CDK14: variants seen among roughly 807,000 people sequenced by gnomAD.
The protein encoded by CDK14 is cyclin dependent kinase 14.
Under a neutral mutation model 60.7 loss-of-function variants are expected in CDK14, and 34 were observed. The ratio of observed to expected loss-of-function variants is 0.56; its 90% CI spans 0.43 to 0.75. The LOEUF (loss-of-function observed/expected upper bound fraction) is 0.75, where lower values mean the gene tolerates loss of function less well. Ranked by LOEUF, CDK14 falls within the 30% of genes least tolerant of loss-of-function variation. The pLI, the probability that CDK14 is intolerant of heterozygous loss-of-function variation, is 0.00. For missense variants in CDK14, 482 were observed against 564.1 expected (o/e 0.85, Z 1.47); for synonymous variants, 197 against 203.7 (o/e 0.97, Z 0.28).
chr7:90,668,143 C>T (rs2116523122), intron 2 of CDK14, among the ~76,000 whole-genome samples: 1 of 152,304 alleles, frequency 6.6e-6, no homozygotes, highest in East Asian at 1.9e-4. Context: ...CTACCAGCAA[C>T]TTACAAGGTT....
At chr7:90,881,335 AGAAAG>A (rs1357821041) in intron 6 of CDK14, among the ~76,000 whole-genome samples, 1 of 152,218 alleles carries the variant, frequency 6.6e-6, no homozygotes, top group African/African-American at 2.4e-5. Context: ...GGCAGAAAGA[AGAAAG>A]GATATCAGAG....
chr7:91,036,238 C>T (rs1053689644), intron 10 of CDK14, among the ~76,000 whole-genome samples: 4 of 152,164 alleles, frequency 2.6e-5, no homozygotes, highest in Non-Finnish European at 4.4e-5. Flanking sequence ...TGGCAACACT[C>T]AGTTTCTTGC....
intron 6 of CDK14, among the ~76,000 whole-genome samples, chr7:90,882,605 T>C (rs1045359039): frequency 6.6e-6 from 1 of 152,196 alleles, no homozygotes; most frequent in Admixed American, 6.5e-5. Context: ...CTAGTAGATA[T>C]CTACAGAACT....
intron 5 of CDK14, among the ~76,000 whole-genome samples, chr7:90,832,493 T>G (rs1789945880): frequency 1.3e-5 from 2 of 151,284 alleles, no homozygotes; most frequent in South Asian, 2.1e-4. Flanking sequence ...GACAATTTAG[T>G]TTTTTTTTAA....
chr7:91,201,580 G>T (rs1802728090), intron 14 of CDK14, among the ~76,000 whole-genome samples: 1 of 151,938 alleles, frequency 6.6e-6, no homozygotes, highest in Admixed American at 6.6e-5. Flanking sequence ...ACCTTAGAGT[G>T]CATAAATAGG....
chr7:90,960,635 T>A (rs1215633417), intron 9 of CDK14, among the ~76,000 whole-genome samples: 2 of 152,190 alleles, frequency 1.3e-5, no homozygotes, highest in Non-Finnish European at 2.9e-5. Context: ...TTATTAAGTA[T>A]TGAAAGGCCA....
At chr7:90,775,179 C>T (rs1347684112) in intron 4 of CDK14, among the ~76,000 whole-genome samples, 1 of 152,160 alleles carries the variant, frequency 6.6e-6, no homozygotes, top group Non-Finnish European at 1.5e-5. Context: ...GACCAAGAGG[C>T]TTGAAATGCT....
intron 10 of CDK14, among the ~76,000 whole-genome samples, chr7:91,022,247 C>G (rs1413253342): frequency 6.6e-6 from 1 of 152,178 alleles, no homozygotes; most frequent in East Asian, 1.9e-4. Context: ...TTGTATAATT[C>G]ATACTCTGTG....
intron 11 of CDK14, among the ~76,000 whole-genome samples, chr7:91,060,094 G>C (rs1453195027): frequency 6.6e-6 from 1 of 152,138 alleles, no homozygotes; most frequent in Non-Finnish European, 1.5e-5. Context: ...GCTCCTTATT[G>C]GGTGCATATA....
intron 2 of CDK14, among the ~76,000 whole-genome samples, chr7:90,649,357 C>T (rs867379116): frequency 5.3e-4 from 24 of 44,888 alleles, no homozygotes; most frequent in African/African-American, 1.1e-3. Flanking sequence ...TCCTTCCTTC[C>T]TTCCTTCCTT....
chr7:90,813,151 C>T (rs191514353), intron 5 of CDK14, among the ~76,000 whole-genome samples: 32 of 152,246 alleles, frequency 2.1e-4, no homozygotes, highest in African/African-American at 7.5e-4. Context: ...GTTGTATATA[C>T]CAAGCGTATT....
At chr7:90,815,547 C>A (rs1337598059) in intron 5 of CDK14, among the ~76,000 whole-genome samples, 1 of 152,150 alleles carries the variant, frequency 6.6e-6, no homozygotes, top group Non-Finnish European at 1.5e-5. Flanking sequence ...TAACATTTGA[C>A]CCAGCAGTCC....
chr7:90,690,889 G>A (rs2116585376), intron 2 of CDK14, among the ~76,000 whole-genome samples: 1 of 152,098 alleles, frequency 6.6e-6, no homozygotes, highest in East Asian at 1.9e-4. Context: ...CATTCATTTT[G>A]ACAAAGATTA....
intron 2 of CDK14, among the ~76,000 whole-genome samples, chr7:90,716,697 C>T (rs776945550): frequency 2.6e-5 from 4 of 151,862 alleles, no homozygotes; most frequent in African/African-American, 7.3e-5. Context: ...TGATAACTAC[C>T]GTGAACTTTT....
intron 12 of CDK14, among the ~76,000 whole-genome samples, chr7:91,098,305 G>A (rs1799055674): frequency 6.6e-6 from 1 of 152,044 alleles, no homozygotes; most frequent in Non-Finnish European, 1.5e-5. Context: ...ATATAAATGG[G>A]AGCATTATTT....
chr7:90,743,720 A>T (rs1332755146), intron 3 of CDK14, among the ~76,000 whole-genome samples: 2 of 151,542 alleles, frequency 1.3e-5, no homozygotes, highest in African/African-American at 2.4e-5. Flanking sequence ...GATTTTTAAC[A>T]TTCATTTTTT....
At chr7:90,621,958 G>A (rs938733490) in intron 2 of CDK14, among the ~76,000 whole-genome samples, 1 of 152,208 alleles carries the variant, frequency 6.6e-6, no homozygotes, top group Non-Finnish European at 1.5e-5. Flanking sequence ...AGACCTGCTG[G>A]ATTGTTGGCC....
chr7:90,753,608 T>C (rs1024802457), intron 4 of CDK14, among the ~76,000 whole-genome samples: 3 of 152,108 alleles, frequency 2.0e-5, no homozygotes, highest in African/African-American at 7.2e-5. Flanking sequence ...GCCGCTCCTA[T>C]TAAAACATAG....
intron 3 of CDK14, among the ~76,000 whole-genome samples, chr7:90,744,815 G>C (rs866547224): frequency 3.5e-5 from 3 of 86,838 alleles, no homozygotes; most frequent in African/African-American, 1.3e-4. Context: ...CGGGCGGGGG[G>C]CTGACGCCCC....
Sources: allele counts gnomAD v4.1 joint callset (sites outside exome capture counted in the v4.1 genomes callset), GRCh38; gene constraint gnomAD v4.1.1; transcripts MANE v1.5; gene names NCBI Gene and HGNC (gene_info 2026-07-23, HGNC 2026-07-21).